The following REDIC1 variants were observed in gnomAD, a reference collection of about 807,000 sequenced individuals.
The protein encoded by REDIC1 is HEI10 Interacting Protein 1.
the REDIC1 span, chr12:39,626,244 C>A: frequency 2.1e-6 from 3 of 1,423,636 alleles, no homozygotes; most frequent in Non-Finnish European, 2.9e-6. Flanking sequence ...TGTCAGGAGG[C>A]CCTGGGGGAT....
At chr12:39,899,863 T>C in the REDIC1 span, among the ~76,000 whole-genome samples, 1 of 152,124 alleles carries the variant, frequency 6.6e-6, no homozygotes, top group South Asian at 2.1e-4. Flanking sequence ...TTATAATTTC[T>C]GTTCTTTTAC....
chr12:39,778,074 C>A, the REDIC1 span, among the ~76,000 whole-genome samples: 2 of 152,162 alleles, frequency 1.3e-5, no homozygotes, highest in Non-Finnish European at 2.9e-5. Context: ...CCACAGCCTG[C>A]CCATCTGTAT....
the REDIC1 span, among the ~76,000 whole-genome samples, chr12:39,711,950 C>T: frequency 1.6e-5 from 2 of 125,206 alleles, no homozygotes; most frequent in African/African-American, 3.0e-5. Context: ...GACATGTATA[C>T]ATACATATAT....
At chr12:39,749,226 G>C in the REDIC1 span, among the ~76,000 whole-genome samples, 42 of 152,038 alleles carry the variant, frequency 2.8e-4, no homozygotes, top group African/African-American at 9.2e-4. Context: ...AACAAAAAAT[G>C]ATAAAGGGGA....
the REDIC1 span, among the ~76,000 whole-genome samples, chr12:39,884,145 T>C: frequency 6.6e-6 from 1 of 152,178 alleles, no homozygotes; most frequent in Non-Finnish European, 1.5e-5. Flanking sequence ...AGTGTATGTA[T>C]GTATGTAGAG....
the REDIC1 span, among the ~76,000 whole-genome samples, chr12:39,659,621 C>T: frequency 0.79 from 120,508 of 151,948 alleles, 48,505 homozygotes; most frequent in Non-Finnish European, 0.87. Context: ...TTTTTATCTT[C>T]CATGTATCTA....
the REDIC1 span, among the ~76,000 whole-genome samples, chr12:39,809,234 G>C: frequency 4.6e-5 from 7 of 152,046 alleles, no homozygotes; most frequent in African/African-American, 1.7e-4. Flanking sequence ...TGCATATATG[G>C]ATCTATTTCT....
the REDIC1 span, among the ~76,000 whole-genome samples, chr12:39,877,496 C>A: frequency 9.7e-3 from 1,481 of 152,222 alleles, 41 homozygotes; most frequent in Non-Finnish European, 8.0e-3. Flanking sequence ...GGGGACACAG[C>A]CAAACCGTAT....
chr12:39,821,543 TTA>T, the REDIC1 span, among the ~76,000 whole-genome samples: 1 of 152,206 alleles, frequency 6.6e-6, no homozygotes, highest in Non-Finnish European at 1.5e-5. Context: ...AAACCCAAGC[TTA>T]ATGCGTTGCT....
the REDIC1 span, among the ~76,000 whole-genome samples, chr12:39,653,492 G>GTCT: frequency 0.02 from 1,069 of 54,414 alleles, 83 homozygotes; most frequent in East Asian, 0.065. Flanking sequence ...CAATCTGGAT[G>GTCT]TCTTCTTCTT....
At chr12:39,896,226 ATGCATATG>A in the REDIC1 span, among the ~76,000 whole-genome samples, 4 of 145,072 alleles carry the variant, frequency 2.8e-5, no homozygotes, top group Admixed American at 1.4e-4. Flanking sequence ...GTATACATAT[ATGCATATG>A]TGTATATATG....
the REDIC1 span, among the ~76,000 whole-genome samples, chr12:39,883,361 A>G: frequency 6.6e-6 from 1 of 152,160 alleles, no homozygotes; most frequent in Non-Finnish European, 1.5e-5. Flanking sequence ...AGGTGCCCTC[A>G]TGGCTGGAGA....
the REDIC1 span, among the ~76,000 whole-genome samples, chr12:39,898,736 G>T: frequency 3.3e-5 from 5 of 152,122 alleles, no homozygotes; most frequent in Non-Finnish European, 5.9e-5. Flanking sequence ...TGTGTTCATG[G>T]AATGGAACCA....
At chr12:39,639,383 C>A in the REDIC1 span, among the ~76,000 whole-genome samples, 1 of 151,914 alleles carries the variant, frequency 6.6e-6, no homozygotes, top group African/African-American at 2.4e-5. Context: ...AGGGTTGAGC[C>A]TGGTTAGTTC....
chr12:39,871,636 GCT>G, the REDIC1 span, among the ~76,000 whole-genome samples: 1 of 151,458 alleles, frequency 6.6e-6, no homozygotes, highest in Admixed American at 6.6e-5. Context: ...GTTGTTAAAA[GCT>G]CTTTTTTTTT....
the REDIC1 span, among the ~76,000 whole-genome samples, chr12:39,767,894 C>T: frequency 6.6e-6 from 1 of 152,046 alleles, no homozygotes; most frequent in Admixed American, 6.6e-5. Context: ...CTTCCCCTTC[C>T]TCCATGATTG....
the REDIC1 span, chr12:39,647,677 A>C: frequency 1.3e-6 from 1 of 759,150 alleles, no homozygotes; most frequent in Middle Eastern, 3.6e-4. Context: ...GCCTTAGGAC[A>C]TTTTCTTTTG....
chr12:39,688,479 T>C, the REDIC1 span, among the ~76,000 whole-genome samples: 1 of 152,182 alleles, frequency 6.6e-6, no homozygotes, highest in Non-Finnish European at 1.5e-5. Context: ...TTGTTATAGC[T>C]ACAATTTATA....
chr12:39,903,314 T>C, the REDIC1 span, among the ~76,000 whole-genome samples: 1 of 152,252 alleles, frequency 6.6e-6, no homozygotes, highest in South Asian at 2.1e-4. Flanking sequence ...TCTGACAGAT[T>C]AGCTATTTCA....
Sources: allele counts gnomAD v4.1 joint callset (sites outside exome capture counted in the v4.1 genomes callset), GRCh38; gene constraint gnomAD v4.1.1; transcripts MANE v1.5; gene names NCBI Gene and HGNC (gene_info 2026-07-23, HGNC 2026-07-21).